The following PTPRN2 variants were observed in gnomAD, a reference collection of about 807,000 sequenced individuals.
PTPRN2 encodes the protein receptor-type tyrosine-protein phosphatase N2.
PTPRN2 carries 74 observed loss-of-function variants against 118.8 expected under a neutral mutation model. That is an observed-to-expected ratio of 0.62 (90% CI 0.52 to 0.76). The LOEUF is 0.76. Ranked by LOEUF, PTPRN2 falls within the 30% of genes least tolerant of loss-of-function variation. The pLI is 0.00. For synonymous variants in PTPRN2, 641 were observed against 608.0 expected (o/e 1.05, Z -0.80); for missense variants, 1,481 against 1,394.4 (o/e 1.06, Z -0.99).
rs183014472 is a variant in PTPRN2 at position 158,348,549 on chromosome 7, C to T, written c.164-31617G>A. Among the ~76,000 whole-genome samples, 38 of 152,062 alleles carry T rather than the reference C, an allele frequency of 2.5e-4. 2 individuals are homozygous for T. The highest frequency in any genetic ancestry group is 8.3e-4 in the South Asian group (4 of 4,798). On this transcript the variant is annotated intron_variant, in intron 2 of 22. Coordinates refer to ENST00000389418, the MANE Select transcript of PTPRN2 (RefSeq NM_002847.5). The stretch of plus-strand genomic sequence containing the variant: ...GTCCCCATTCACAGTCCAGTATGCC[C>T]CACGTGAGTCTGTGTTGGCTTCTGT...
chr7:157,890,800 T>A (rs559020444), intron 12 of PTPRN2, among the ~76,000 whole-genome samples: 1 of 152,174 alleles, frequency 6.6e-6, no homozygotes, highest in Non-Finnish European at 1.5e-5. Flanking sequence ...CCTTTGCAAG[T>A]GGTCTGCTTG....
intron 12 of PTPRN2, among the ~76,000 whole-genome samples, chr7:157,734,315 C>T (rs1277116518): frequency 3.4e-5 from 5 of 148,634 alleles, no homozygotes; most frequent in Non-Finnish European, 7.4e-5. Context: ...CTCTTCCGTC[C>T]CATGCACCCA....
intron 14 of PTPRN2, among the ~76,000 whole-genome samples, chr7:157,649,168 TCGG>T (rs2150718718): frequency 8.1e-6 from 1 of 123,204 alleles, no homozygotes; most frequent in African/African-American, 3.0e-5. Context: ...TGCACTGAAC[TCGG>T]TGGGTCGGAC....
chr7:158,305,591 G>A (rs10239871), intron 3 of PTPRN2, among the ~76,000 whole-genome samples: 137,135 of 152,142 alleles, frequency 0.9, 62,226 homozygotes, highest in Non-Finnish European at 0.96. Flanking sequence ...TCCCCAAGGC[G>A]ATGTCCAGAT....
At chr7:157,802,859 A>G (rs1805403899) in intron 12 of PTPRN2, among the ~76,000 whole-genome samples, 1 of 152,202 alleles carries the variant, frequency 6.6e-6, no homozygotes, top group Non-Finnish European at 1.5e-5. Flanking sequence ...GGCCATTTGT[A>G]TGCCTTCTTT....
intron 11 of PTPRN2, among the ~76,000 whole-genome samples, chr7:158,031,884 A>G (rs796354638): frequency 1.7e-4 from 26 of 152,366 alleles, no homozygotes; most frequent in African/African-American, 6.0e-4. Flanking sequence ...TCGCTGCAAA[A>G]CTACAAAGAC....
At chr7:158,071,155 G>T (rs1454453850) in intron 11 of PTPRN2, among the ~76,000 whole-genome samples, 8 of 64,228 alleles carry the variant, frequency 1.2e-4, no homozygotes, top group Admixed American at 1.6e-4. Context: ...TGGTGGAGGT[G>T]CTCGTGGTGG....
intron 3 of PTPRN2, among the ~76,000 whole-genome samples, chr7:158,304,907 T>C (rs535628744): frequency 2.6e-5 from 4 of 152,358 alleles, no homozygotes; most frequent in African/African-American, 9.6e-5. Flanking sequence ...CTCTACAGAA[T>C]GTAGACATTT....
chr7:158,311,952 C>CCTGT (rs1801793582), intron 3 of PTPRN2, among the ~76,000 whole-genome samples: 1 of 150,224 alleles, frequency 6.7e-6, no homozygotes, highest in African/African-American at 2.5e-5. Flanking sequence ...CACCCACATA[C>CCTGT]CTGTACATGC....
chr7:158,332,340 A>G (rs1176866596), intron 2 of PTPRN2, among the ~76,000 whole-genome samples: 1 of 48,940 alleles, frequency 2.0e-5, no homozygotes, highest in African/African-American at 4.9e-5. Flanking sequence ...TGAGGCCCAC[A>G]GAGGACACTC....
At chr7:158,077,711 C>A (rs978894278) in intron 11 of PTPRN2, among the ~76,000 whole-genome samples, 5 of 152,146 alleles carry the variant, frequency 3.3e-5, no homozygotes, top group African/African-American at 4.8e-5. Context: ...CCACAGGCAG[C>A]CCCACAGGCC....
At chr7:157,847,735 A>G (rs1394303436) in intron 12 of PTPRN2, among the ~76,000 whole-genome samples, 2 of 140,212 alleles carry the variant, frequency 1.4e-5, no homozygotes, top group Non-Finnish European at 3.0e-5. Context: ...CCCAATGTCT[A>G]CAGAGCCCTC....
chr7:157,604,015 TTGA>T lies in PTPRN2; in HGVS notation c.2402_2404del (p.Ile801del). The T allele has an allele frequency of 6.2e-7, 1 of 1,613,878 alleles. No individual in the cohort carries two copies. Among genetic ancestry groups the T allele is most frequent in the South Asian group, 1.1e-5 (1 of 91,070 alleles). ...CAGTGCACTTACGATGGGGCTAGCG[TTGA>T]TGTAGTCTGAGTGGCTGTGGCTGTT... On this transcript the variant is annotated inframe_deletion, in exon 16 of 23. Coordinates refer to ENST00000389418, the MANE Select transcript of PTPRN2 (RefSeq NM_002847.5).
At chr7:157,648,615 G>A (rs539542181) in intron 14 of PTPRN2, among the ~76,000 whole-genome samples, 26 of 137,586 alleles carry the variant, frequency 1.9e-4, no homozygotes, top group African/African-American at 6.6e-4. Context: ...CATCCAGCGT[G>A]CACTGAACTC....
intron 6 of PTPRN2, among the ~76,000 whole-genome samples, chr7:158,146,808 C>A (rs1028665902): frequency 6.6e-6 from 1 of 151,908 alleles, no homozygotes; most frequent in African/African-American, 2.4e-5. Context: ...CTCACACCAG[C>A]ACAGACACAC....
intron 11 of PTPRN2, among the ~76,000 whole-genome samples, chr7:157,920,189 T>C (rs1798620656): frequency 6.6e-6 from 1 of 151,964 alleles, no homozygotes; most frequent in South Asian, 2.1e-4. Context: ...AATTGAACTA[T>C]GAACAAAGAA....
rs935079735 is a variant in PTPRN2, at chr7:157,959,053, T to C, written c.1724-60316A>G. ...GGCAGACATATAGACCAATGGACTA[T>C]AAAACGGAGCCCAGAAGTAAACCCT... On this transcript the variant is annotated intron_variant, in intron 11 of 22. Coordinates refer to ENST00000389418, the MANE Select transcript of PTPRN2 (RefSeq NM_002847.5). Among the ~76,000 whole-genome samples, 6 of 152,214 alleles carry C rather than the reference T, an allele frequency of 3.9e-5. No homozygotes were observed. In the East Asian group the frequency reaches 5.8e-4, roughly 15 times the overall value.
At chr7:158,050,228 C>A (rs117308800) in intron 11 of PTPRN2, among the ~76,000 whole-genome samples, 1 of 152,264 alleles carries the variant, frequency 6.6e-6, no homozygotes, top group South Asian at 2.1e-4. Context: ...GGGAATGCAG[C>A]CTTTTGTAGA....
At chr7:158,071,392 AGGTGCTCGTG>A (rs1811560269) in intron 11 of PTPRN2, among the ~76,000 whole-genome samples, 2 of 37,698 alleles carry the variant, frequency 5.3e-5, no homozygotes, top group Non-Finnish European at 5.5e-5. Flanking sequence ...CTCGTGGTGG[AGGTGCTCGTG>A]GTGGAGTTGC....
Sources: allele counts gnomAD v4.1 joint callset (sites outside exome capture counted in the v4.1 genomes callset), GRCh38; gene constraint gnomAD v4.1.1; transcripts MANE v1.5; gene names NCBI Gene and HGNC (gene_info 2026-07-23, HGNC 2026-07-21).